GSE1: variants seen among roughly 807,000 people sequenced by gnomAD.
GSE1 encodes Gse1 coiled-coil protein, also known as genetic suppressor element 1.
A neutral mutation model predicts 112.6 loss-of-function variants in GSE1; 32 were observed. The ratio of observed to expected loss-of-function variants is 0.28; its 90% CI spans 0.21 to 0.38. GSE1 has a LOEUF of 0.38. GSE1 is among the 10% of genes least tolerant of loss of function. The pLI is 1.00. For missense variants in GSE1, 2,348 were observed against 1,699.2 expected, an observed-to-expected ratio of 1.38 and a Z score of -6.71; for synonymous variants, 1,115 against 735.6, an observed-to-expected ratio of 1.52 and a Z score of -8.35.
chr16:85,248,088 G>A (rs1476732258), intron 1 of GSE1, among the ~76,000 whole-genome samples: 1 of 152,218 alleles, frequency 6.6e-6, no homozygotes, highest in Non-Finnish European at 1.5e-5. Flanking sequence ...GCTGAGAGTG[G>A]GTGGGGTGCG....
At chr16:85,306,875 C>G (rs2045693518) in intron 1 of GSE1, among the ~76,000 whole-genome samples, 1 of 152,236 alleles carries the variant, frequency 6.6e-6, no homozygotes, top group African/African-American at 2.4e-5. Context: ...ACGGTTTGAA[C>G]CTGTTCATAA....
chr16:85,667,750 T>C (rs1423249877), intron 13 of GSE1, among the ~76,000 whole-genome samples: 5 of 152,020 alleles, frequency 3.3e-5, no homozygotes, highest in African/African-American at 7.3e-5. Flanking sequence ...TTCCAGCCAC[T>C]CCGGAGGCTG....
chr16:85,318,977 G>T (rs1316990403), intron 1 of GSE1, among the ~76,000 whole-genome samples: 1 of 152,234 alleles, frequency 6.6e-6, no homozygotes, highest in Non-Finnish European at 1.5e-5. Flanking sequence ...TGAGGACCCA[G>T]GTGCTAAGAA....
At chr16:85,384,581 C>T (rs1251730353) in intron 2 of GSE1, among the ~76,000 whole-genome samples, 4 of 152,336 alleles carry the variant, frequency 2.6e-5, no homozygotes, top group Middle Eastern at 3.4e-3. Context: ...GTTCCTTGCC[C>T]CTGGGCCTCA....
At chr16:85,235,401 T>G (rs1597865415) in intron 1 of GSE1, among the ~76,000 whole-genome samples, 16 of 108,768 alleles carry the variant, frequency 1.5e-4, no homozygotes, top group South Asian at 6.4e-4. Context: ...CAGCGGGGGG[T>G]GGGGTGAGGG....
chr16:85,291,578 G>A (rs1257948396), intron 1 of GSE1, among the ~76,000 whole-genome samples: 2 of 152,216 alleles, frequency 1.3e-5, no homozygotes, highest in African/African-American at 2.4e-5. Flanking sequence ...CGGCTTGTGC[G>A]CAGTGTGTGG....
chr16:85,669,419 G>T lies in GSE1; in HGVS notation c.3415+995G>T, dbSNP rs2053146694. On this transcript the variant is annotated intron_variant, in intron 14 of 15. Coordinates refer to ENST00000253458, the MANE Select transcript of GSE1 (RefSeq NM_014615.5). Reference sequence around the variant, plus strand: ...AGTTTTTTTCTTTTTTCTCCTGGTAGAACTCAGTCAGGAAAAGTATTCTCC... The same window carrying T: ...AGTTTTTTTCTTTTTTCTCCTGGTATAACTCAGTCAGGAAAAGTATTCTCC... Among the ~76,000 whole-genome samples, 3 of 152,094 alleles carry T rather than the reference G, an allele frequency of 2.0e-5. No homozygotes were observed. In the South Asian group the frequency reaches 6.2e-4, roughly 32 times the overall value.
intron 2 of GSE1, among the ~76,000 whole-genome samples, chr16:85,480,623 C>T (rs527937912): frequency 2.0e-5 from 3 of 152,260 alleles, no homozygotes; most frequent in South Asian, 2.1e-4. Flanking sequence ...GCTTGGTGTC[C>T]GATTGCCCTC....
At chr16:85,361,094 G>A (rs1230085501) in intron 2 of GSE1, among the ~76,000 whole-genome samples, 1 of 149,152 alleles carries the variant, frequency 6.7e-6, no homozygotes, top group Non-Finnish European at 1.5e-5. Context: ...CAAACACACA[G>A]ACACACACGG....
intron 1 of GSE1, among the ~76,000 whole-genome samples, chr16:85,298,535 C>T (rs534648882): frequency 1.3e-5 from 2 of 152,348 alleles, no homozygotes; most frequent in Admixed American, 6.5e-5. Context: ...TCAAGCAATT[C>T]TCCTGCTTCG....
chr16:85,316,994 C>G (rs576032630), intron 1 of GSE1, among the ~76,000 whole-genome samples: 4 of 152,318 alleles, frequency 2.6e-5, no homozygotes, highest in South Asian at 4.1e-4. Flanking sequence ...CTGAGCGAGT[C>G]TCAGGCCCCG....
chr16:85,364,660 G>A (rs1351465593), intron 2 of GSE1, among the ~76,000 whole-genome samples: 1 of 152,096 alleles, frequency 6.6e-6, no homozygotes, highest in Non-Finnish European at 1.5e-5. Flanking sequence ...CAGCGGGCAC[G>A]GGCAACAGAC....
intron 1 of GSE1, among the ~76,000 whole-genome samples, chr16:85,567,896 A>T (rs2045827510): frequency 6.6e-6 from 1 of 151,582 alleles, no homozygotes; most frequent in Non-Finnish European, 1.5e-5. Context: ...CTAATTTTTA[A>T]ATTTTTTTGT....
chr16:85,330,720 C>T (rs1315094924), intron 1 of GSE1, among the ~76,000 whole-genome samples: 1 of 152,170 alleles, frequency 6.6e-6, no homozygotes, highest in Non-Finnish European at 1.5e-5. Context: ...GACATCTGCC[C>T]GGATCCCAGA....
At chr16:85,184,807 G>A (rs1759105804) in intron 1 of GSE1, among the ~76,000 whole-genome samples, 1 of 152,166 alleles carries the variant, frequency 6.6e-6, no homozygotes, top group African/African-American at 2.4e-5. Flanking sequence ...TCTGTGAACA[G>A]AGAAGGTACT....
intron 2 of GSE1, among the ~76,000 whole-genome samples, chr16:85,500,466 C>T (rs979144624): frequency 2.6e-5 from 4 of 152,222 alleles, no homozygotes; most frequent in Admixed American, 6.5e-5. Flanking sequence ...GCCCAGCCTT[C>T]GATTCCTAAT....
At chr16:85,632,707 A>G (rs2049641113) in intron 1 of GSE1, among the ~76,000 whole-genome samples, 1 of 151,700 alleles carries the variant, frequency 6.6e-6, no homozygotes, top group Non-Finnish European at 1.5e-5. Flanking sequence ...GGAAGTGCAC[A>G]GTCCGCCCCT....
chr16:85,534,510 A>T (rs995884870), intron 2 of GSE1, among the ~76,000 whole-genome samples: 1 of 152,158 alleles, frequency 6.6e-6, no homozygotes, highest in Non-Finnish European at 1.5e-5. Flanking sequence ...CGTTTTACCC[A>T]GTGCAGCATC....
At chr16:85,415,001 G>C (rs1205881574) in intron 2 of GSE1, among the ~76,000 whole-genome samples, 3 of 152,056 alleles carry the variant, frequency 2.0e-5, no homozygotes, top group Non-Finnish European at 4.4e-5. Context: ...CTAGAGTGCA[G>C]TGGTCCAATC....
Sources: gnomAD v4.1 joint callset for allele counts (sites outside exome capture counted in the v4.1 genomes callset) on GRCh38, gnomAD v4.1.1 for gene constraint, MANE v1.5 for transcripts, NCBI Gene and HGNC (gene_info 2026-07-23, HGNC 2026-07-21) for gene names.